The following AGBL4 variants were observed in gnomAD, a reference collection of about 807,000 sequenced individuals.
AGBL4 encodes the protein cytosolic carboxypeptidase 6.
In AGBL4, 58 loss-of-function variants were observed where a neutral mutation model predicts 66.4. The observed-to-expected ratio is 0.87, with a 90% CI of 0.71 to 1.09. The LOEUF is 1.09. Among genes scored for constraint, AGBL4 ranks in the 50% least tolerant of loss-of-function variants. The pLI, the probability that AGBL4 is intolerant of heterozygous loss-of-function variation, is 0.00. For synonymous variants in AGBL4, 234 were observed against 222.9 expected, an observed-to-expected ratio of 1.05 and a Z score of -0.44; for missense variants, 579 against 631.0, an observed-to-expected ratio of 0.92 and a Z score of 0.88.
At chr1:49,000,375 A>G (rs1420952506) in intron 5 of AGBL4, among the ~76,000 whole-genome samples, 1 of 152,180 alleles carries the variant, frequency 6.6e-6, no homozygotes, top group Non-Finnish European at 1.5e-5. Flanking sequence ...ATAAGTATGT[A>G]ATGCTATCTT....
chr1:48,999,502 A>C (rs1475641589), intron 5 of AGBL4, among the ~76,000 whole-genome samples: 1 of 152,186 alleles, frequency 6.6e-6, no homozygotes, highest in Non-Finnish European at 1.5e-5. Flanking sequence ...GATGCAGCTC[A>C]AAGGGTAAGC....
intron 3 of AGBL4, among the ~76,000 whole-genome samples, chr1:49,529,391 T>A (rs2148811568): frequency 6.6e-6 from 1 of 152,076 alleles, no homozygotes; most frequent in East Asian, 1.9e-4. Flanking sequence ...TGTAAGGAAA[T>A]AAATCTGGCC....
chr1:49,313,144 T>G (rs535285963), intron 3 of AGBL4, among the ~76,000 whole-genome samples: 6 of 152,128 alleles, frequency 3.9e-5, no homozygotes, highest in African/African-American at 1.4e-4. Context: ...CTCTTCTTGT[T>G]TTAGCTTGCT....
At chr1:49,942,093 C>T (rs975201194) in intron 1 of AGBL4, among the ~76,000 whole-genome samples, 3 of 152,016 alleles carry the variant, frequency 2.0e-5, no homozygotes, top group African/African-American at 7.2e-5. Flanking sequence ...AAATCAATCA[C>T]ATTTATAATA....
At chr1:49,296,606 T>C (rs1330595084) in intron 3 of AGBL4, among the ~76,000 whole-genome samples, 1 of 152,200 alleles carries the variant, frequency 6.6e-6, no homozygotes, top group Non-Finnish European at 1.5e-5. Flanking sequence ...TATTTTTATG[T>C]AACAACTTCC....
intron 4 of AGBL4, among the ~76,000 whole-genome samples, chr1:49,179,231 G>T (rs762284533): frequency 1.3e-5 from 2 of 152,110 alleles, no homozygotes; most frequent in African/African-American, 4.8e-5. Flanking sequence ...GGAGGCTATT[G>T]CAGTAGCTCA....
At chr1:49,645,444 T>A (rs1371431103) in intron 3 of AGBL4, among the ~76,000 whole-genome samples, 1 of 151,458 alleles carries the variant, frequency 6.6e-6, no homozygotes, top group Non-Finnish European at 1.5e-5. Context: ...TTAAAATTTT[T>A]AGGAAATAAA....
chr1:48,765,411 G>C lies in AGBL4; in HGVS notation c.634+101780C>G, dbSNP rs140468013. On this transcript the variant is annotated intron_variant, in intron 6 of 13. Transcript: ENST00000371839. Reference sequence around the variant, plus strand: ...GGATGGCTCAAATCAAAAATAAAAGGAAAATAACAAGAGTAAAGAATGTAA... The same window carrying C: ...GGATGGCTCAAATCAAAAATAAAAGCAAAATAACAAGAGTAAAGAATGTAA... 2.2e-4 allele frequency among the ~76,000 whole-genome samples: 33 copies of C among 152,192 alleles called. 1 individual carries two copies. In the East Asian group the frequency reaches 6.2e-3, roughly 29 times the overall value.
intron 1 of AGBL4, among the ~76,000 whole-genome samples, chr1:49,971,849 G>A (rs1209404647): frequency 1.7e-5 from 2 of 120,892 alleles, no homozygotes; most frequent in Non-Finnish European, 3.5e-5. Flanking sequence ...TCTTACAAGC[G>A]TTTTTGAAAA....
At position 49,851,415 on chromosome 1, in the gene AGBL4, A is replaced by G. The variant is rs1411568153; in HGVS notation, c.138T>C (p.Phe46=). ...ACTTACCACTTTCAAAGCAAGCATCAAAGATAAGATGTCCTTTCTTGGGCT... is the reference window on the plus strand; with the variant it reads ...ACTTACCACTTTCAAAGCAAGCATCGAAGATAAGATGTCCTTTCTTGGGCT... ...CGQPKKGHLI[F]DACFESGNLG... The change falls in exon 2 of 14, where the codon TTT becomes TTC. Residue 46 remains phenylalanine, a synonymous_variant. Transcript: ENST00000371839. 1 of 1,549,300 alleles carries G rather than the reference A, an allele frequency of 6.5e-7. No homozygotes were observed. The highest frequency in any genetic ancestry group is 1.2e-5 in the South Asian group (1 of 83,614).
At chr1:49,341,547 A>G (rs114304430) in intron 3 of AGBL4, among the ~76,000 whole-genome samples, 1 of 152,202 alleles carries the variant, frequency 6.6e-6, no homozygotes, top group African/African-American at 2.4e-5. Flanking sequence ...AGGGGGTTAG[A>G]GGCCCACCTC....
At chr1:49,451,560 T>C (rs1305783524) in intron 3 of AGBL4, among the ~76,000 whole-genome samples, 1 of 151,984 alleles carries the variant, frequency 6.6e-6, no homozygotes, top group Admixed American at 6.6e-5. Flanking sequence ...CAGTCATACA[T>C]TCAAAATTCA....
chr1:49,632,202 A>G (rs1439745078), intron 3 of AGBL4, among the ~76,000 whole-genome samples: 1 of 152,188 alleles, frequency 6.6e-6, no homozygotes, highest in Admixed American at 6.5e-5. Context: ...TTAAGATTTA[A>G]TATTCCAGAG....
At chr1:50,006,847 A>T (rs1469214880) in intron 1 of AGBL4, among the ~76,000 whole-genome samples, 1 of 152,214 alleles carries the variant, frequency 6.6e-6, no homozygotes, top group East Asian at 1.9e-4. Context: ...TTAAAAGAAA[A>T]GGACATGAAT....
chr1:49,802,625 T>A (rs1015095314), intron 2 of AGBL4, among the ~76,000 whole-genome samples: 1 of 152,186 alleles, frequency 6.6e-6, no homozygotes, highest in Non-Finnish European at 1.5e-5. Context: ...TCTCACCTCA[T>A]AATCAAATGA....
At chr1:49,580,589 A>G (rs1188447040) in intron 3 of AGBL4, among the ~76,000 whole-genome samples, 1 of 152,160 alleles carries the variant, frequency 6.6e-6, no homozygotes, top group Non-Finnish European at 1.5e-5. Flanking sequence ...ACTGGTGGTA[A>G]TAAAGTCCCT....
intron 3 of AGBL4, among the ~76,000 whole-genome samples, chr1:49,614,609 T>A (rs1186250074): frequency 1.3e-5 from 2 of 152,160 alleles, no homozygotes; most frequent in African/African-American, 4.8e-5. Flanking sequence ...TTCCCTCTAG[T>A]AGTACTTTTA....
chr1:48,622,332 T>C (rs1645426762), intron 9 of AGBL4, among the ~76,000 whole-genome samples: 1 of 152,172 alleles, frequency 6.6e-6, no homozygotes, highest in African/African-American at 2.4e-5. Context: ...CAGATGACCC[T>C]ACTTTACCCA....
chr1:49,843,115 G>C (rs1442978084), intron 2 of AGBL4, among the ~76,000 whole-genome samples: 6 of 152,020 alleles, frequency 3.9e-5, no homozygotes, highest in Admixed American at 3.9e-4. Context: ...TGTGGGAGAG[G>C]GTCACATTAG....
Sources: allele counts gnomAD v4.1 joint callset (sites outside exome capture counted in the v4.1 genomes callset), GRCh38; gene constraint gnomAD v4.1.1; transcripts MANE v1.5; gene names NCBI Gene and HGNC (gene_info 2026-07-23, HGNC 2026-07-21).